The following DPP10 variants were observed in gnomAD, a reference collection of about 807,000 sequenced individuals.
DPP10 encodes the protein inactive dipeptidyl peptidase 10.
Under a neutral mutation model 120.9 loss-of-function variants are expected in DPP10, and 33 were observed. The observed-to-expected ratio is 0.27, with a 90% CI of 0.21 to 0.37. The LOEUF is 0.37. Ranked by LOEUF, DPP10 falls within the 10% of genes least tolerant of loss-of-function variation. DPP10 has a pLI of 1.00. For synonymous variants in DPP10, 337 were observed against 326.1 expected, an observed-to-expected ratio of 1.03 and a Z score of -0.36; for missense variants, 816 against 942.8, an observed-to-expected ratio of 0.87 and a Z score of 1.76.
chr2:115,239,103 T>G (rs1304655145), intron 1 of DPP10, among the ~76,000 whole-genome samples: 1 of 152,108 alleles, frequency 6.6e-6, no homozygotes, highest in Admixed American at 6.6e-5. Flanking sequence ...CCCCCCCAGA[T>G]TAAGGGTGGG....
chr2:114,799,781 A>C (rs1684036903), intron 1 of DPP10, among the ~76,000 whole-genome samples: 1 of 152,220 alleles, frequency 6.6e-6, no homozygotes, highest in Non-Finnish European at 1.5e-5. Flanking sequence ...GCTTTAAAAT[A>C]AATTGGAAAG....
chr2:115,535,547 G>A (rs927614578), intron 5 of DPP10, among the ~76,000 whole-genome samples: 8 of 150,992 alleles, frequency 5.3e-5, no homozygotes, highest in South Asian at 2.1e-4. Context: ...CAGGTAGTGT[G>A]ATGCCTCCAG....
At chr2:115,019,743 G>T (rs1309428808) in intron 1 of DPP10, among the ~76,000 whole-genome samples, 1 of 152,176 alleles carries the variant, frequency 6.6e-6, no homozygotes, top group East Asian at 1.9e-4. Flanking sequence ...GACAAAGGAA[G>T]AATCTTAAGA....
chr2:115,634,591 C>G (rs1194011523), intron 5 of DPP10, among the ~76,000 whole-genome samples: 1 of 152,148 alleles, frequency 6.6e-6, no homozygotes, highest in Non-Finnish European at 1.5e-5. Flanking sequence ...TTTCTTTCCT[C>G]TGGGATCTCT....
chr2:115,359,853 G>C (rs1449477526), intron 3 of DPP10, among the ~76,000 whole-genome samples: 2 of 151,890 alleles, frequency 1.3e-5, no homozygotes, highest in African/African-American at 4.8e-5. Context: ...TTGGTTAAAA[G>C]GACCAGTATT....
chr2:115,389,101 T>A (rs186852321), intron 3 of DPP10, among the ~76,000 whole-genome samples: 21 of 152,296 alleles, frequency 1.4e-4, no homozygotes, highest in African/African-American at 4.6e-4. Flanking sequence ...GCTTTTGCAA[T>A]CAAAACCACT....
At chr2:115,350,822 C>T (rs1030404462) in intron 3 of DPP10, among the ~76,000 whole-genome samples, 2 of 151,984 alleles carry the variant, frequency 1.3e-5, no homozygotes, top group African/African-American at 4.8e-5. Flanking sequence ...ATATTACAAA[C>T]CTAAATAGTA....
chr2:114,940,568 A>T (rs559837164), intron 1 of DPP10, among the ~76,000 whole-genome samples: 62 of 152,232 alleles, frequency 4.1e-4, no homozygotes, highest in Non-Finnish European at 5.1e-4. Flanking sequence ...AAAAAAAAAA[A>T]AAAATGGTGT....
intron 1 of DPP10, among the ~76,000 whole-genome samples, chr2:115,081,310 C>G (rs780833782): frequency 6.6e-5 from 10 of 152,130 alleles, no homozygotes; most frequent in Non-Finnish European, 1.2e-4. Flanking sequence ...CATGTATAGT[C>G]CATCATGGGT....
intron 1 of DPP10, among the ~76,000 whole-genome samples, chr2:115,083,208 C>T (rs993694264): frequency 6.6e-6 from 1 of 152,068 alleles, no homozygotes; most frequent in Non-Finnish European, 1.5e-5. Context: ...TGTTTCCATC[C>T]ACAAACTCTC....
At chr2:114,601,344 A>G (rs1330861608) in intron 1 of DPP10, among the ~76,000 whole-genome samples, 2 of 151,894 alleles carry the variant, frequency 1.3e-5, no homozygotes, top group Non-Finnish European at 2.9e-5. Context: ...ACATATATCT[A>G]TTTCTTACAT....
At chr2:115,665,638 G>C (rs2089391557) in intron 5 of DPP10, among the ~76,000 whole-genome samples, 1 of 152,022 alleles carries the variant, frequency 6.6e-6, no homozygotes, top group South Asian at 2.1e-4. Context: ...TATGTATCTT[G>C]CTATATTTTA....
chr2:115,266,719 C>T (rs376291585), intron 1 of DPP10, among the ~76,000 whole-genome samples: 8 of 152,130 alleles, frequency 5.3e-5, no homozygotes, highest in South Asian at 2.1e-4. Context: ...GCTTCATATT[C>T]GAGAATGATA....
chr2:115,059,980 G>A (rs966778448), intron 1 of DPP10, among the ~76,000 whole-genome samples: 23 of 151,904 alleles, frequency 1.5e-4, no homozygotes, highest in Admixed American at 3.9e-4. Context: ...AGGATGATGC[G>A]TGCACATCTT....
intron 1 of DPP10, among the ~76,000 whole-genome samples, chr2:114,834,584 C>G (rs1687488883): frequency 6.9e-6 from 1 of 144,344 alleles, no homozygotes; most frequent in African/African-American, 2.5e-5. Context: ...TAAGCCATAT[C>G]TACGCACCTA....
chr2:114,491,220 C>G (rs978406635), intron 1 of DPP10, among the ~76,000 whole-genome samples: 4 of 151,868 alleles, frequency 2.6e-5, no homozygotes, highest in African/African-American at 9.7e-5. Context: ...TTTAGAAAGT[C>G]CAAACTTTTA....
chr2:114,682,835 T>A (rs1573958826), intron 1 of DPP10, among the ~76,000 whole-genome samples: 1 of 151,940 alleles, frequency 6.6e-6, no homozygotes, highest in Non-Finnish European at 1.5e-5. Flanking sequence ...CACATATAGA[T>A]ATAGATTTAA....
rs562397556 is a variant in DPP10, at chr2:115,314,900, G to GGT, written c.175+5548_175+5549dup. Among the ~76,000 whole-genome samples, 604 of 152,174 alleles carry GGT rather than the reference G, an allele frequency of 4.0e-3. 17 individuals carry two copies. Among genetic ancestry groups the GGT allele is most frequent in the Non-Finnish European group, 1.6e-3 (108 of 68,006 alleles). ...CCAAAAACTAGAAGACAGCATTTAA[G>GGT]GTATTATGCCTTTTTTACATCAACC... On this transcript the variant is annotated intron_variant, in intron 2 of 25. Coordinates refer to ENST00000410059, the MANE Select transcript of DPP10 (RefSeq NM_020868.6).
intron 1 of DPP10, among the ~76,000 whole-genome samples, chr2:115,244,846 CAT>C (rs57631333): frequency 7.0e-6 from 1 of 143,522 alleles, no homozygotes; most frequent in Non-Finnish European, 1.6e-5. Flanking sequence ...TATATATATA[CAT>C]ATATATATAA....
Sources: allele counts gnomAD v4.1 joint callset (sites outside exome capture counted in the v4.1 genomes callset), GRCh38; gene constraint gnomAD v4.1.1; transcripts MANE v1.5; gene names NCBI Gene and HGNC (gene_info 2026-07-23, HGNC 2026-07-21).